The following JAM3 variants were observed in gnomAD, a reference collection of about 807,000 sequenced individuals.
The protein encoded by JAM3 is junctional adhesion molecule C.
JAM3 carries 31 observed loss-of-function variants against 39.4 expected under a neutral mutation model. The ratio of observed to expected loss-of-function variants is 0.79; its 90% confidence interval spans 0.59 to 1.06. JAM3 has a LOEUF of 1.06. JAM3 is among the 50% of genes least tolerant of loss of function. The pLI is 0.00. For synonymous variants in JAM3, 182 were observed against 148.7 expected (o/e 1.22, Z -1.63); for missense variants, 455 against 391.4 (o/e 1.16, Z -1.37).
chr11:134,126,313 G>A (rs1487780816), intron 1 of JAM3: 1 of 152,216 alleles, frequency 6.6e-6, no homozygotes, highest in Non-Finnish European at 1.5e-5. Flanking sequence ...AAAGGCTGTT[G>A]TTCAGAGGTG....
intron 1 of JAM3, among the ~76,000 whole-genome samples, chr11:134,123,619 C>CT: frequency 6.6e-6 from 1 of 152,316 alleles, no homozygotes; most frequent in East Asian, 1.9e-4. Context: ...TTCCTTTTCT[C>CT]TTTCTCTTTT....
intron 1 of JAM3, among the ~76,000 whole-genome samples, chr11:134,128,621 C>T (rs71486989): frequency 0.078 from 11,797 of 152,062 alleles, 598 homozygotes; most frequent in Admixed American, 0.11. Context: ...CCCCCTTATT[C>T]GCTCACTCGT....
chr11:134,142,930 C>T (rs1473172253), intron 3 of JAM3, among the ~76,000 whole-genome samples: 1 of 152,162 alleles, frequency 6.6e-6, no homozygotes, highest in Admixed American at 6.5e-5. Context: ...TGTGTCCGTA[C>T]TTCATTTCTT....
At chr11:134,119,446 C>T (rs180993902) in intron 1 of JAM3, among the ~76,000 whole-genome samples, 3 of 152,098 alleles carry the variant, frequency 2.0e-5, no homozygotes, top group African/African-American at 4.8e-5. Context: ...TTAAGAAGTG[C>T]CATTGCCAGA....
chr11:134,078,506 G>A (rs1356834229), intron 1 of JAM3, among the ~76,000 whole-genome samples: 2 of 152,100 alleles, frequency 1.3e-5, no homozygotes, highest in South Asian at 2.1e-4. Context: ...CAGCTATATT[G>A]GTTTGTCCTT....
rs369715841 is a variant in JAM3 at position 134,144,914 on chromosome 11, G to A, written c.532G>A (p.Val178Ile). The A allele has an allele frequency of 3.0e-5, 49 of 1,614,046 alleles. No homozygotes were observed. The highest frequency in any genetic ancestry group is 4.0e-5 in the Non-Finnish European group (47 of 1,180,006). Residue 178 changes from valine to isoleucine, a missense_variant, in exon 5 of 9, where the codon GTA becomes ATA. Coordinates refer to ENST00000299106, the MANE Select transcript of JAM3 (RefSeq NM_032801.5). ...RPHYSWYRNDVPLPTDSRANP... is the reference protein window; with the variant it reads ...RPHYSWYRNDIPLPTDSRANP... The stretch of plus-strand genomic sequence containing the variant: ...TCACTACAGCTGGTATCGCAATGAT[G>A]TACCACTGCCCACGGATTCCAGAGC...
intron 1 of JAM3, among the ~76,000 whole-genome samples, chr11:134,123,129 T>G (rs775196850): frequency 2.6e-5 from 4 of 152,242 alleles, no homozygotes; most frequent in Admixed American, 6.5e-5. Context: ...GAAAAGAAGC[T>G]AACATGAACA....
At position 134,149,711 on chromosome 11, in the gene JAM3, C is replaced by T. The variant is rs1255468248; in HGVS notation, c.*530C>T. 9 of 455,386 alleles carry T rather than the reference C, an allele frequency of 2.0e-5. No individual in the cohort carries two copies. The Admixed American group carries it at 2.1e-4, about 11-fold the overall frequency. 28.2% of individuals were successfully genotyped at this position (455,386 alleles called of 1,614,324 possible). A position where few individuals can be genotyped will look rare whatever the true frequency, so the allele number is the denominator to read the frequency against. On this transcript the variant is annotated 3_prime_UTR_variant, in exon 9 of 9. Coordinates refer to ENST00000299106, the MANE Select transcript of JAM3 (RefSeq NM_032801.5). ...TTAAAGGCTCTGCTGATCGGTGTTG[C>T]AGTGTCCATTGTGGAGAAGCTTTTT... is the stretch of plus-strand genomic sequence containing the variant.
chr11:134,136,250 A>T (rs1942863869), intron 1 of JAM3, among the ~76,000 whole-genome samples: 1 of 152,228 alleles, frequency 6.6e-6, no homozygotes, highest in South Asian at 2.1e-4. Context: ...CAGTATGAGT[A>T]TTCCTGTAGC....
chr11:134,114,976 T>C (rs966285288), intron 1 of JAM3, among the ~76,000 whole-genome samples: 4 of 152,222 alleles, frequency 2.6e-5, no homozygotes, highest in Admixed American at 2.6e-4. Context: ...TTTGTTTATT[T>C]CTCCTTGCAG....
At chr11:134,072,362 C>G (rs995296148) in intron 1 of JAM3, among the ~76,000 whole-genome samples, 5 of 145,214 alleles carry the variant, frequency 3.4e-5, no homozygotes, top group African/African-American at 7.7e-5. Flanking sequence ...GGCATGAGCT[C>G]AGCTCACTGC....
At chr11:134,140,612 G>A (rs1257818054) in intron 2 of JAM3, 45 bp from the exon 3 acceptor site, 4 of 1,475,988 alleles carry the variant, frequency 2.7e-6, no homozygotes, top group African/African-American at 1.4e-5. Context: ...GAACGTAGAA[G>A]CACTCCACAT....
At chr11:134,146,360 T>C (rs1330974582) in intron 6 of JAM3, among the ~76,000 whole-genome samples, 1 of 152,042 alleles carries the variant, frequency 6.6e-6, no homozygotes, top group East Asian at 1.9e-4. Flanking sequence ...TGTAAGGTGG[T>C]GTCAGGTCTC....
chr11:134,094,270 G>A (rs1591778011), intron 1 of JAM3, among the ~76,000 whole-genome samples: 1 of 129,466 alleles, frequency 7.7e-6, no homozygotes, highest in South Asian at 2.9e-4. Context: ...CACCTTAAAC[G>A]TCACTTCCTG....
chr11:134,099,881 A>G (rs1419043376), intron 1 of JAM3, among the ~76,000 whole-genome samples: 3 of 152,228 alleles, frequency 2.0e-5, no homozygotes, highest in African/African-American at 7.2e-5. Flanking sequence ...CTGGGATTAC[A>G]GGCGTGAGCC....
chr11:134,127,213 G>A (rs147205083), intron 1 of JAM3, among the ~76,000 whole-genome samples: 81 of 152,302 alleles, frequency 5.3e-4, no homozygotes, highest in African/African-American at 1.6e-3. Flanking sequence ...GTGGACTATA[G>A]GCAAGCCACT....
In JAM3 at chr11:134,093,571, G is replaced by A. The variant is rs1005308029; in HGVS notation, c.76+24412G>A. Among the ~76,000 whole-genome samples, 15 of 124,518 alleles carry A rather than the reference G, an allele frequency of 1.2e-4. 3 individuals are homozygous for A. In the East Asian group the frequency reaches 4.1e-3, roughly 34 times the overall value. 81.7% of individuals were successfully genotyped at this position (124,518 alleles called of 152,430 possible). A position where few individuals can be genotyped will look rare whatever the true frequency, so the allele number is the denominator to read the frequency against. On this transcript the variant is annotated intron_variant, in intron 1 of 8. Coordinates refer to ENST00000299106, the MANE Select transcript of JAM3 (RefSeq NM_032801.5). ...TCCACCTTACATGTCACTTCCTGAG[G>A]GAAGCGTGTCCTGAACCCTCCTTAT... is the stretch of plus-strand genomic sequence containing the variant.
At chr11:134,073,683 C>T (rs145959424) in intron 1 of JAM3, among the ~76,000 whole-genome samples, 229 of 152,204 alleles carry the variant, frequency 1.5e-3, no homozygotes, top group Non-Finnish European at 2.6e-3. Flanking sequence ...TAATTGACTC[C>T]GATTTACATT....
chr11:134,125,026 T>TGGC (rs893492664), intron 1 of JAM3, among the ~76,000 whole-genome samples: 9 of 152,108 alleles, frequency 5.9e-5, no homozygotes, highest in Non-Finnish European at 1.3e-4. Context: ...ACCCGCCCGG[T>TGGC]GGCGGCGGCG....
Sources: gnomAD v4.1 joint callset for allele counts (sites outside exome capture counted in the v4.1 genomes callset) on GRCh38, gnomAD v4.1.1 for gene constraint, MANE v1.5 for transcripts, NCBI Gene and HGNC (gene_info 2026-07-23, HGNC 2026-07-21) for gene names.